The following DAB1 variants were observed in gnomAD, a reference collection of about 807,000 sequenced individuals.
DAB1 encodes the protein disabled homolog 1.
DAB1 carries 15 observed loss-of-function variants against 64.6 expected under a neutral mutation model. That is an observed-to-expected ratio of 0.23 (90% CI 0.16 to 0.36). DAB1 has a LOEUF of 0.36. DAB1 is among the 10% of genes least tolerant of loss of function. The pLI is 1.00. For missense variants in DAB1, 596 were observed against 706.7 expected, an observed-to-expected ratio of 0.84 and a Z score of 1.78; for synonymous variants, 235 against 251.9, an observed-to-expected ratio of 0.93 and a Z score of 0.64.
chr1:57,270,165 C>T (rs569413344), intron 2 of DAB1, among the ~76,000 whole-genome samples: 16 of 152,260 alleles, frequency 1.1e-4, no homozygotes, highest in South Asian at 6.2e-4. Flanking sequence ...CTGAGAGATG[C>T]GTGGTTACTG....
chr1:57,166,641 A>C (rs1267053806), intron 2 of DAB1, among the ~76,000 whole-genome samples: 1 of 152,220 alleles, frequency 6.6e-6, no homozygotes, highest in Non-Finnish European at 1.5e-5. Flanking sequence ...TATTGAAGTC[A>C]GGTCTCAAAT....
intron 2 of DAB1, among the ~76,000 whole-genome samples, chr1:57,163,747 C>T (rs939121580): frequency 2.0e-5 from 3 of 151,798 alleles, no homozygotes; most frequent in Non-Finnish European, 4.4e-5. Context: ...GGAGGAAGAG[C>T]AGAAAGGGAT....
chr1:57,209,759 C>T (rs1292563669), intron 2 of DAB1, among the ~76,000 whole-genome samples: 1 of 152,194 alleles, frequency 6.6e-6, no homozygotes, highest in Non-Finnish European at 1.5e-5. Flanking sequence ...ACTTCGCCCT[C>T]TCCCTATTGT....
At chr1:58,489,792 G>A (rs1008595997) in intron 3 of DAB1, among the ~76,000 whole-genome samples, 37 of 152,270 alleles carry the variant, frequency 2.4e-4, no homozygotes, top group Middle Eastern at 3.4e-3. Flanking sequence ...ACCAATATCC[G>A]CTGTTCTGCA....
intron 4 of DAB1, among the ~76,000 whole-genome samples, chr1:58,253,014 C>T (rs1313076070): frequency 6.6e-6 from 1 of 152,172 alleles, no homozygotes; most frequent in Non-Finnish European, 1.5e-5. Context: ...GTCATAGAAA[C>T]TTACTCACTA....
chr1:57,450,589 C>T (rs1267647587), intron 7 of DAB1, among the ~76,000 whole-genome samples: 3 of 152,172 alleles, frequency 2.0e-5, no homozygotes, highest in African/African-American at 7.2e-5. Flanking sequence ...TGCTCACAGG[C>T]TATACAAATG....
At chr1:57,469,818 T>C (rs1334594290) in intron 7 of DAB1, among the ~76,000 whole-genome samples, 1 of 152,218 alleles carries the variant, frequency 6.6e-6, no homozygotes, top group East Asian at 1.9e-4. Flanking sequence ...CAAATAAGTT[T>C]GGGAAATGCT....
chr1:57,674,701 T>C (rs937274692), intron 6 of DAB1, among the ~76,000 whole-genome samples: 1 of 152,190 alleles, frequency 6.6e-6, no homozygotes, highest in Non-Finnish European at 1.5e-5. Context: ...CAGTCACCAA[T>C]ATAAATACTA....
intron 1 of DAB1, among the ~76,000 whole-genome samples, chr1:57,831,807 T>G (rs1652603059): frequency 6.6e-6 from 1 of 152,138 alleles, no homozygotes; most frequent in Non-Finnish European, 1.5e-5. Context: ...CCTCTCAAAG[T>G]GCTGGGAATA....
At chr1:58,229,012 T>TCACC (rs1241002782) in intron 4 of DAB1, 1 of 410,830 alleles carries the variant, frequency 2.4e-6, no homozygotes, top group African/African-American at 2.1e-5. Context: ...CTGGGGCAGA[T>TCACC]CACCCATGCA....
intron 4 of DAB1, among the ~76,000 whole-genome samples, chr1:58,230,278 G>A (rs1659714278): frequency 6.6e-6 from 1 of 152,212 alleles, no homozygotes; most frequent in Non-Finnish European, 1.5e-5. Flanking sequence ...ACACCTTGGT[G>A]TCGGGCCTTT....
At chr1:57,737,291 G>C (rs190212372) in intron 6 of DAB1, among the ~76,000 whole-genome samples, 1 of 152,310 alleles carries the variant, frequency 6.6e-6, no homozygotes, top group East Asian at 1.9e-4. Flanking sequence ...CATGTGGTCA[G>C]GGTGTAGAAT....
intron 4 of DAB1, among the ~76,000 whole-genome samples, chr1:58,305,742 C>T (rs781650191): frequency 2.0e-5 from 3 of 152,262 alleles, no homozygotes; most frequent in Non-Finnish European, 2.9e-5. Flanking sequence ...TCTCTGTTTC[C>T]GGAATATGTA....
chr1:58,206,188 C>T (rs2100278261), intron 4 of DAB1, among the ~76,000 whole-genome samples: 1 of 152,258 alleles, frequency 6.6e-6, no homozygotes, highest in African/African-American at 2.4e-5. Flanking sequence ...TCAACCAATA[C>T]ATGTAAGATA....
chr1:57,158,996 C>T (rs558059963), intron 2 of DAB1, among the ~76,000 whole-genome samples: 11 of 152,048 alleles, frequency 7.2e-5, no homozygotes, highest in Admixed American at 6.6e-4. Flanking sequence ...CATCTGAGAA[C>T]CTGGGAATCT....
chr1:58,262,680 A>C (rs777874348), intron 4 of DAB1, among the ~76,000 whole-genome samples: 9 of 152,226 alleles, frequency 5.9e-5, no homozygotes, highest in Non-Finnish European at 1.3e-4. Flanking sequence ...AGCAGTCATT[A>C]GGACTGGACT....
At chr1:58,418,426 C>G (rs1190418158) in intron 3 of DAB1, among the ~76,000 whole-genome samples, 1 of 152,042 alleles carries the variant, frequency 6.6e-6, no homozygotes, top group East Asian at 1.9e-4. Context: ...AGTACACAGA[C>G]CAGTGGCAGG....
At chr1:57,172,888 C>G (rs1661925444) in intron 2 of DAB1, among the ~76,000 whole-genome samples, 1 of 152,152 alleles carries the variant, frequency 6.6e-6, no homozygotes, top group African/African-American at 2.4e-5. Context: ...CATGCATAGA[C>G]AGCAAGGATG....
rs116125014 is a variant in DAB1 at position 57,361,239 on chromosome 1, G to A, written c.-137+62691C>T. On this transcript the variant is annotated intron_variant, in intron 1 of 14. Transcript: ENST00000371236. ...AATACATGAATGTACTCAGTGTCTG[G>A]ATGAATGACATAAAACTCAGCATGT... Among the ~76,000 whole-genome samples, 1,348 of 152,234 alleles carry A rather than the reference G, an allele frequency of 8.9e-3. 10 individuals carry two copies. The highest frequency in any genetic ancestry group is 0.014 in the Non-Finnish European group (957 of 68,016).
Sources: gnomAD v4.1 joint callset for allele counts (sites outside exome capture counted in the v4.1 genomes callset) on GRCh38, gnomAD v4.1.1 for gene constraint, MANE v1.5 for transcripts, NCBI Gene and HGNC (gene_info 2026-07-23, HGNC 2026-07-21) for gene names.